The following CYP4X1 variants were observed in gnomAD, a reference collection of about 807,000 sequenced individuals.
The protein encoded by CYP4X1 is cytochrome P450 4X1.
CYP4X1 carries 44 observed loss-of-function variants against 57.9 expected under a neutral mutation model. That is an observed-to-expected ratio of 0.76 (90% CI 0.60 to 0.98). The LOEUF is 0.98. Among genes scored for constraint, CYP4X1 ranks in the 50% least tolerant of loss-of-function variants. The probability of loss-of-function intolerance (pLI) is 0.00; values close to 1 mark genes in which losing one functional copy is unlikely to be tolerated. For synonymous variants in CYP4X1, 227 were observed against 228.6 expected, an observed-to-expected ratio of 0.99 and a Z score of 0.06; for missense variants, 532 against 623.9, an observed-to-expected ratio of 0.85 and a Z score of 1.57.
the CYP4X1 span, among the ~76,000 whole-genome samples, chr1:46,982,486 T>A: frequency 6.6e-6 from 1 of 152,212 alleles, no homozygotes; most frequent in South Asian, 2.1e-4. Flanking sequence ...TTCTTTCTCA[T>A]CTTGTGTGGG....
chr1:47,030,245 G>A (rs1644111658), intron 2 of CYP4X1, 114 bp downstream of exon 2: 1 of 1,313,902 alleles, frequency 7.6e-7, no homozygotes, highest in Non-Finnish European at 1.0e-6. Flanking sequence ...AGACACAGCA[G>A]CAAGTATGGG....
chr1:47,005,761 A>G, the CYP4X1 span, among the ~76,000 whole-genome samples: 1 of 152,234 alleles, frequency 6.6e-6, no homozygotes, highest in Non-Finnish European at 1.5e-5. Context: ...AATTGTCAGC[A>G]TACATTTTGT....
chr1:47,032,041 C>T (rs1373983578), intron 3 of CYP4X1, among the ~76,000 whole-genome samples: 1 of 150,694 alleles, frequency 6.6e-6, no homozygotes, highest in Non-Finnish European at 1.5e-5. Context: ...AAACTCTGTC[C>T]GCAGCCCCCA....
chr1:47,024,475 C>G (rs1644040342), intron 1 of CYP4X1, among the ~76,000 whole-genome samples: 1 of 152,164 alleles, frequency 6.6e-6, no homozygotes, highest in Non-Finnish European at 1.5e-5. Flanking sequence ...CAGCCAGCCA[C>G]TCGAGAAATA....
At chr1:46,995,699 C>T in the CYP4X1 span, among the ~76,000 whole-genome samples, 2,016 of 152,322 alleles carry the variant, frequency 0.013, 40 homozygotes, top group African/African-American at 0.046. Context: ...TTACTCCCAT[C>T]ACTTTCCCCT....
chr1:47,015,995 T>A, the CYP4X1 span, among the ~76,000 whole-genome samples: 1 of 152,156 alleles, frequency 6.6e-6, no homozygotes, highest in Non-Finnish European at 1.5e-5. Context: ...TTATCTACCT[T>A]CCCACCCTCT....
At chr1:47,029,386 A>G (rs1300165633) in intron 1 of CYP4X1, among the ~76,000 whole-genome samples, 1 of 152,226 alleles carries the variant, frequency 6.6e-6, no homozygotes, top group African/African-American at 2.4e-5. Flanking sequence ...GGAAGCTGAA[A>G]GTTTTGTATT....
At chr1:46,994,002 G>C in the CYP4X1 span, among the ~76,000 whole-genome samples, 1 of 152,108 alleles carries the variant, frequency 6.6e-6, no homozygotes, top group Non-Finnish European at 1.5e-5. Context: ...TGAAGTCCTT[G>C]CCCATGCCTA....
At chr1:46,978,291 C>A in the CYP4X1 span, among the ~76,000 whole-genome samples, 1 of 151,784 alleles carries the variant, frequency 6.6e-6, no homozygotes, top group Non-Finnish European at 1.5e-5. Flanking sequence ...TTCTGCCAAG[C>A]AAATGGAAAG....
At chr1:47,037,299 G>A (rs1409196903) in intron 6 of CYP4X1, among the ~76,000 whole-genome samples, 2 of 129,862 alleles carry the variant, frequency 1.5e-5, no homozygotes, top group Non-Finnish European at 1.6e-5. Context: ...TTTTTGAGAT[G>A]GAGTCTCTAT....
At chr1:47,017,348 A>C in the CYP4X1 span, among the ~76,000 whole-genome samples, 1 of 152,212 alleles carries the variant, frequency 6.6e-6, no homozygotes, top group Non-Finnish European at 1.5e-5. Flanking sequence ...ATCAAATGAG[A>C]GGCATAAAAA....
chr1:47,004,999 G>A, the CYP4X1 span, among the ~76,000 whole-genome samples: 2 of 152,154 alleles, frequency 1.3e-5, no homozygotes, highest in African/African-American at 2.4e-5. Context: ...AGGGACAAAA[G>A]GAAAGCTCAT....
the CYP4X1 span, among the ~76,000 whole-genome samples, chr1:46,979,353 T>A: frequency 3.3e-4 from 50 of 152,208 alleles, no homozygotes; most frequent in Non-Finnish European, 6.8e-4. Flanking sequence ...CACATCTCTA[T>A]GCAAATAAAT....
At chr1:47,035,556 C>T (rs1219214270) in intron 4 of CYP4X1, among the ~76,000 whole-genome samples, 1 of 152,188 alleles carries the variant, frequency 6.6e-6, no homozygotes, top group East Asian at 1.9e-4. Context: ...TGAAAAGCCG[C>T]AGATCTTTAA....
chr1:46,982,337 G>A, the CYP4X1 span, among the ~76,000 whole-genome samples: 48 of 152,176 alleles, frequency 3.2e-4, no homozygotes, highest in African/African-American at 2.4e-4. Context: ...TTTGAATTCC[G>A]TGTCTGTCAT....
At chr1:46,978,386 T>C in the CYP4X1 span, among the ~76,000 whole-genome samples, 1 of 152,020 alleles carries the variant, frequency 6.6e-6, no homozygotes, top group Non-Finnish European at 1.5e-5. Context: ...AAGAAGACCA[T>C]TACAACAATG....
At chr1:47,034,329 A>G (rs1288957387) in intron 4 of CYP4X1, among the ~76,000 whole-genome samples, 1 of 152,198 alleles carries the variant, frequency 6.6e-6, no homozygotes, top group East Asian at 1.9e-4. Flanking sequence ...TACACCTTTC[A>G]AAGGGGCTGA....
intron 1 of CYP4X1, among the ~76,000 whole-genome samples, chr1:47,028,852 A>G (rs1644097715): frequency 6.6e-6 from 1 of 152,242 alleles, no homozygotes; most frequent in African/African-American, 2.4e-5. Flanking sequence ...AAATGAATAA[A>G]TGAAAAAATA....
In CYP4X1 at chr1:47,023,783, C is replaced by CA. The variant is rs575322533; in HGVS notation, c.-34dup. 1.4e-5 allele frequency: 23 copies of CA among 1,597,278 alleles called. No individual in the cohort carries two copies. In the South Asian group the frequency reaches 2.4e-4, roughly 17 times the overall value. On this transcript the variant is annotated 5_prime_UTR_variant, in exon 1 of 12. Coordinates refer to ENST00000371901, the MANE Select transcript of CYP4X1 (RefSeq NM_178033.2). ...AGAAAGCCCACCCTCTCCCGCGCCC[C>CA]AGGAAACCGCCGGCGTTCGGCGCTG...
Sources: allele counts gnomAD v4.1 joint callset (sites outside exome capture counted in the v4.1 genomes callset), GRCh38; gene constraint gnomAD v4.1.1; transcripts MANE v1.5; gene names NCBI Gene and HGNC (gene_info 2026-07-23, HGNC 2026-07-21).